ZNF780B: variants seen among roughly 807,000 people sequenced by gnomAD.
The protein encoded by ZNF780B is zinc finger protein 780B, also known as zinc finger protein 779.
Under a neutral mutation model 74.1 loss-of-function variants are expected in ZNF780B, and 52 were observed. That is an observed-to-expected ratio of 0.70 (90% CI 0.56 to 0.88). The LOEUF is 0.88. Among genes scored for constraint, ZNF780B ranks in the 40% least tolerant of loss-of-function variants. The pLI, the probability that ZNF780B is intolerant of heterozygous loss-of-function variation, is 0.00. For synonymous variants in ZNF780B, 315 were observed against 324.3 expected (o/e 0.97, Z 0.31); for missense variants, 953 against 1,007.6 (o/e 0.95, Z 0.73).
rs756204807 is a variant in ZNF780B, at chr19:40,036,183, A to C, written c.676T>G (p.Cys226Gly). Residue 226 changes from cysteine (C) to glycine (G), a missense_variant, in exon 5 of 5, where the codon TGT becomes GGT. Transcript: ENST00000434248. ...GTGGGAAGATTAAAGGCTTTTCCAC[A>C]TTCCTTACATTCAAAAGTTTTCTCA... ...TGEKTFECKE[C>G]GKAFNLPTQL... 3.1e-6 allele frequency: 5 copies of C among 1,613,396 alleles called. No homozygotes were observed.
In ZNF780B at chr19:40,032,454, C is replaced by A; in HGVS notation, c.*1903G>T. ...TAGCTGTAGGCCAGGCATGCTGGCT[C>A]ATGCCTGTAATCCCAGCACTTTGGG... On this transcript the variant is annotated 3_prime_UTR_variant, in exon 5 of 5. Transcript: ENST00000434248. The A allele has an allele frequency of 3.1e-6, 1 of 320,478 alleles. No individual in the cohort carries two copies. The highest frequency in any genetic ancestry group is 2.7e-5 in the South Asian group (1 of 37,520). 19.9% of individuals were successfully genotyped at this position (320,478 alleles called of 1,614,324 possible). A position where few individuals can be genotyped will look rare whatever the true frequency, so the allele number is the denominator to read the frequency against.
Position 40,035,158 on chromosome 19 carries a change from A to C in ZNF780B, c.1701T>G (p.Arg567=). 1 of 1,613,472 alleles carries C rather than the reference A, an allele frequency of 6.2e-7. No homozygotes were observed. Among genetic ancestry groups the C allele is most frequent in the African/African-American group, 1.3e-5 (1 of 75,004 alleles). The change falls in exon 5 of 5, where the codon CGT becomes CGG. Residue 567 remains arginine, a synonymous_variant. Transcript: ENST00000434248. Reference sequence around the variant, plus strand: ...GATGTTGATTAAGATTTGAACCACGACGAAAGAATTTCCCACATTCCTTAC... The same window carrying C: ...GATGTTGATTAAGATTTGAACCACGCCGAAAGAATTTCCCACATTCCTTAC... The part of the protein sequence containing the change: ...FECKECGKFF[R]RGSNLNQHRS...
intron 4 of ZNF780B, among the ~76,000 whole-genome samples, chr19:40,040,465 G>T (rs968136703): frequency 1.3e-5 from 2 of 152,156 alleles, no homozygotes; most frequent in African/African-American, 4.8e-5. Flanking sequence ...CTATTGATTG[G>T]AATAGTTTCA....
chr19:40,032,323 C>T lies in ZNF780B; in HGVS notation c.*2034G>A. On this transcript the variant is annotated 3_prime_UTR_variant, in exon 5 of 5. Transcript: ENST00000434248. ...TTCCACAGGGGATTCTGATACCCAC[C>T]ATAATTTGAGAGCATACTTTCATGG... is the stretch of plus-strand genomic sequence containing the variant. 1 of 375,478 alleles carries T rather than the reference C, an allele frequency of 2.7e-6. No homozygotes were observed. The allele number at this position is 375,478 out of a possible 1,614,324, so 23.3% of individuals were successfully genotyped here.
intron 3 of ZNF780B, among the ~76,000 whole-genome samples, chr19:40,047,998 C>T (rs949849766): frequency 2.0e-5 from 3 of 152,146 alleles, no homozygotes; most frequent in Non-Finnish European, 4.4e-5. Flanking sequence ...AGAATTTTCA[C>T]CCAACAGAAA....
rs115033255 is a variant in ZNF780B at position 40,029,344 on chromosome 19, C to T, written c.*5013G>A. The stretch of plus-strand genomic sequence containing the variant: ...TATTCTAAAACAAGTTTCTTTACAA[C>T]GCTGCTCAGAAACACCATGACAAAT... On this transcript the variant is annotated 3_prime_UTR_variant, in exon 5 of 5. Transcript: ENST00000434248. 0.016 allele frequency: 2,461 copies of T among 154,476 alleles called. 43 individuals carry two copies. The highest frequency in any genetic ancestry group is 0.054 in the South Asian group (263 of 4,898). The allele number at this position is 154,476 out of a possible 1,614,324, so 9.6% of individuals were successfully genotyped here. A position where few individuals can be genotyped will look rare whatever the true frequency, so the allele number is the denominator to read the frequency against.
At chr19:40,037,999 G>C (rs1476964392) in intron 4 of ZNF780B, among the ~76,000 whole-genome samples, 3 of 151,240 alleles carry the variant, frequency 2.0e-5, no homozygotes, top group Non-Finnish European at 4.4e-5. Flanking sequence ...TGCCATGTTG[G>C]TGTGCTGCAC....
At position 40,032,784 on chromosome 19, in the gene ZNF780B, T is replaced by A. The variant is rs551009459; in HGVS notation, c.*1573A>T. 1 of 151,372 alleles carries A rather than the reference T, an allele frequency of 6.6e-6. No homozygotes were observed. Among genetic ancestry groups the A allele is most frequent in the East Asian group, 2.0e-4 (1 of 5,008 alleles). 9.4% of individuals were successfully genotyped at this position (151,372 alleles called of 1,614,324 possible). On this transcript the variant is annotated 3_prime_UTR_variant, in exon 5 of 5. Coordinates refer to ENST00000434248, the MANE Select transcript of ZNF780B (RefSeq NM_001005851.3). Reference sequence around the variant, plus strand: ...GATGGTTTGCAGGCCAAGGAAGAAATCTGAAGATGGAATGATATTACAGAA... The same window carrying A: ...GATGGTTTGCAGGCCAAGGAAGAAAACTGAAGATGGAATGATATTACAGAA...
intron 3 of ZNF780B, 50 bp from the exon 4 acceptor site, chr19:40,047,520 T>G (rs765941781): frequency 7.3e-7 from 1 of 1,363,888 alleles, no homozygotes; most frequent in Admixed American, 2.4e-5. Context: ...TAAAAATTTT[T>G]TTTAAACCCT....
chr19:40,033,136 T>G lies in ZNF780B; in HGVS notation c.*1221A>C, dbSNP rs994117805. On this transcript the variant is annotated 3_prime_UTR_variant, in exon 5 of 5. Transcript: ENST00000434248. ...CCCCAAACAATTACACTAGTAACAA[T>G]TACACTAGTAATCAAAAAACACTGG... is the stretch of plus-strand genomic sequence containing the variant. 1.3e-5 allele frequency: 2 copies of G among 152,660 alleles called. No homozygotes were observed. The highest frequency in any genetic ancestry group is 2.9e-5 in the Non-Finnish European group (2 of 68,196). 9.5% of individuals were successfully genotyped at this position (152,660 alleles called of 1,614,324 possible).
At position 40,034,839 on chromosome 19, in the gene ZNF780B, A is replaced by G. The variant is rs1386655422; in HGVS notation, c.2020T>C (p.Cys674Arg). 3.1e-6 allele frequency: 5 copies of G among 1,613,728 alleles called. No homozygotes were observed. Among genetic ancestry groups the G allele is most frequent in the Non-Finnish European group, 4.2e-6 (5 of 1,179,942 alleles). Reference sequence around the variant, plus strand: ...GAAACACGACTAAAGCCTTTCCCACACTCCTTACATTCATATGGTTTTACA... The same window carrying G: ...GAAACACGACTAAAGCCTTTCCCACGCTCCTTACATTCATATGGTTTTACA... ...AGVKPYECKE[C>R]GKGFSRVSNL... The change falls in exon 5 of 5, where the codon TGT becomes CGT. Residue 674 changes from cysteine to arginine, a missense_variant. Transcript: ENST00000434248.
Position 40,034,337 on chromosome 19 carries a change from T to A in ZNF780B, c.*20A>T. On this transcript the variant is annotated 3_prime_UTR_variant, in exon 5 of 5. Transcript: ENST00000434248. ...AATGATATTGAAAGGCCTTCCCACA[T>A]TCCTTACATTCAAAGGTTTTCACCC... The A allele has an allele frequency of 6.4e-7, 1 of 1,570,564 alleles. No individual in the cohort carries two copies. Among genetic ancestry groups the A allele is most frequent in the South Asian group, 1.2e-5 (1 of 86,252 alleles).
intron 4 of ZNF780B, among the ~76,000 whole-genome samples, chr19:40,039,349 G>T (rs908568544): frequency 1.1e-4 from 16 of 152,246 alleles, no homozygotes; most frequent in African/African-American, 3.9e-4. Flanking sequence ...GTAGTGTGAT[G>T]CCTCCGGCTT....
chr19:40,029,710 T>C lies in ZNF780B; in HGVS notation c.*4647A>G, dbSNP rs1253060785. 6.6e-6 allele frequency: 1 copy of C among 151,984 alleles called. No homozygotes were observed. Among genetic ancestry groups the C allele is most frequent in the Non-Finnish European group, 1.5e-5 (1 of 68,108 alleles). The allele number at this position is 151,984 out of a possible 1,614,324, so 9.4% of individuals were successfully genotyped here. A position where few individuals can be genotyped will look rare whatever the true frequency, so the allele number is the denominator to read the frequency against. ...TAAAAGGAACCAGGACTCCCTAAGA[T>C]AAGAGGGTATTAAATCATGAGTTGA... On this transcript the variant is annotated 3_prime_UTR_variant, in exon 5 of 5. Coordinates refer to ENST00000434248, the MANE Select transcript of ZNF780B (RefSeq NM_001005851.3).
In ZNF780B at chr19:40,032,454, C is replaced by T; in HGVS notation, c.*1903G>A. The T allele has an allele frequency of 3.1e-6, 1 of 320,478 alleles. No homozygotes were observed. The highest frequency in any genetic ancestry group is 2.7e-5 in the South Asian group (1 of 37,520). 19.9% of individuals were successfully genotyped at this position (320,478 alleles called of 1,614,324 possible). On this transcript the variant is annotated 3_prime_UTR_variant, in exon 5 of 5. Transcript: ENST00000434248. ...TAGCTGTAGGCCAGGCATGCTGGCTCATGCCTGTAATCCCAGCACTTTGGG... is the reference window on the plus strand; with the variant it reads ...TAGCTGTAGGCCAGGCATGCTGGCTTATGCCTGTAATCCCAGCACTTTGGG...
Position 40,036,505 on chromosome 19 carries a change from A to G in ZNF780B, c.354T>C (p.Phe118=). 6.2e-7 allele frequency: 1 copy of G among 1,609,450 alleles called. No homozygotes were observed. The highest frequency in any genetic ancestry group is 8.5e-7 in the Non-Finnish European group (1 of 1,178,372). Residue 118 remains phenylalanine (F), a synonymous_variant, in exon 5 of 5, where the codon TTT becomes TTC. Transcript: ENST00000434248. ...TACTTCTATATTCTGAGTCATTTCT[A>G]AAATAAAAGGCCTCGAGGCCAAGTG... The part of the protein sequence containing the change: ...SKTLGLEAFY[F]RNDSEYRSRF...
chr19:40,045,907 G>T (rs1315768411), intron 4 of ZNF780B, among the ~76,000 whole-genome samples: 1 of 152,140 alleles, frequency 6.6e-6, no homozygotes, highest in African/African-American at 2.4e-5. Flanking sequence ...AGAATTGCTT[G>T]AACCCAGGAG....
rs112330288 is a variant in ZNF780B at position 40,035,625 on chromosome 19, C to T, written c.1234G>A (p.Ala412Thr). Reference protein sequence around the residue: ...SNLIQHQSIHADVKPYECKEC... With the variant: ...SNLIQHQSIHTDVKPYECKEC... Reference sequence around the variant, plus strand: ...TTACATTCATATGGTTTTACATCAGCATGAATACTCTGGTGTTGAATAAGG... The same window carrying T: ...TTACATTCATATGGTTTTACATCAGTATGAATACTCTGGTGTTGAATAAGG... Residue 412 changes from alanine to threonine, a missense_variant, in exon 5 of 5, where the codon GCT becomes ACT. Transcript: ENST00000434248. 1,433 of 1,613,786 alleles carry T rather than the reference C, an allele frequency of 8.9e-4. 7 individuals carry two copies. The African/African-American group carries it at 9.7e-3, about 11-fold the overall frequency.
Position 40,032,490 on chromosome 19 carries a change from G to A in ZNF780B, c.*1867C>T, listed in dbSNP as rs181083708. On this transcript the variant is annotated 3_prime_UTR_variant, in exon 5 of 5. Coordinates refer to ENST00000434248, the MANE Select transcript of ZNF780B (RefSeq NM_001005851.3). Reference sequence around the variant, plus strand: ...TCCCAGCACTTTGGGAGGCCAAGGCGGGTGGATCACGAGGTCAGGAGATCG... The same window carrying A: ...TCCCAGCACTTTGGGAGGCCAAGGCAGGTGGATCACGAGGTCAGGAGATCG... 38 of 265,210 alleles carry A rather than the reference G, an allele frequency of 1.4e-4. No individual in the cohort carries two copies. Among genetic ancestry groups the A allele is most frequent in the South Asian group, 2.2e-4 (6 of 26,694 alleles). The allele number at this position is 265,210 out of a possible 1,614,324, so 16.4% of individuals were successfully genotyped here.
Sources: gnomAD v4.1 joint callset for allele counts (sites outside exome capture counted in the v4.1 genomes callset) on GRCh38, gnomAD v4.1.1 for gene constraint, MANE v1.5 for transcripts, NCBI Gene and HGNC (gene_info 2026-07-23, HGNC 2026-07-21) for gene names.